The following PDZRN4 variants were observed in gnomAD, a reference collection of about 807,000 sequenced individuals.
The protein encoded by PDZRN4 is PDZ domain-containing RING finger protein 4.
PDZRN4 carries 70 observed loss-of-function variants against 99.0 expected under a neutral mutation model. The ratio of observed to expected loss-of-function variants is 0.71; its 90% CI spans 0.58 to 0.86. The LOEUF is 0.86. Ranked by LOEUF, PDZRN4 falls within the 40% of genes least tolerant of loss-of-function variation. PDZRN4 has a pLI of 0.00. For missense variants in PDZRN4, 1,474 were observed against 1,331.2 expected (o/e 1.11, Z -1.67); for synonymous variants, 551 against 501.6 (o/e 1.10, Z -1.32).
chr12:41,203,088 A>G (rs1950827872), intron 3 of PDZRN4, among the ~76,000 whole-genome samples: 1 of 152,020 alleles, frequency 6.6e-6, no homozygotes, highest in Non-Finnish European at 1.5e-5. Flanking sequence ...ATGATTCATG[A>G]AGTACATAAA....
At chr12:41,557,148 C>CA (rs112787721) in intron 7 of PDZRN4, among the ~76,000 whole-genome samples, 9,522 of 57,324 alleles carry the variant, frequency 0.17, 1,143 homozygotes, top group Non-Finnish European at 0.27. Flanking sequence ...GAGACACTCT[C>CA]AAAAAAAAAA....
intron 3 of PDZRN4, among the ~76,000 whole-genome samples, chr12:41,366,748 A>G (rs1213471553): frequency 6.6e-6 from 1 of 152,152 alleles, no homozygotes; most frequent in African/African-American, 2.4e-5. Context: ...TTACTACCAT[A>G]AGAAAATTGC....
chr12:41,428,542 G>A (rs538776232), intron 3 of PDZRN4, among the ~76,000 whole-genome samples: 1 of 152,188 alleles, frequency 6.6e-6, no homozygotes, highest in Non-Finnish European at 1.5e-5. Context: ...AAAAGACAGA[G>A]TCATGTTAGC....
chr12:41,543,642 C>T (rs1938899362), intron 5 of PDZRN4, among the ~76,000 whole-genome samples: 1 of 152,148 alleles, frequency 6.6e-6, no homozygotes, highest in African/African-American at 2.4e-5. Context: ...CTTTCTCCAT[C>T]TTTGGCTTTT....
chr12:41,216,910 T>A (rs1331880112), intron 3 of PDZRN4, among the ~76,000 whole-genome samples: 1 of 152,218 alleles, frequency 6.6e-6, no homozygotes, highest in South Asian at 2.1e-4. Flanking sequence ...CTTACTAATG[T>A]TCATAATAAA....
chr12:41,482,352 T>C (rs1339376031), intron 3 of PDZRN4, among the ~76,000 whole-genome samples: 1 of 152,104 alleles, frequency 6.6e-6, no homozygotes, highest in African/African-American at 2.4e-5. Flanking sequence ...ATCAAGGAAG[T>C]TGGAAAAGAA....
chr12:41,195,444 C>T (rs568257028), intron 3 of PDZRN4, among the ~76,000 whole-genome samples: 1 of 152,020 alleles, frequency 6.6e-6, no homozygotes, highest in African/African-American at 2.4e-5. Flanking sequence ...TTCATTCATC[C>T]TCTGTGCACT....
chr12:41,261,478 T>C (rs1951239372), intron 3 of PDZRN4, among the ~76,000 whole-genome samples: 1 of 151,094 alleles, frequency 6.6e-6, no homozygotes, highest in Admixed American at 6.6e-5. Flanking sequence ...AGTAGTTCTA[T>C]TTCTCTGTTT....
chr12:41,437,805 A>G (rs529623378), intron 3 of PDZRN4: 2 of 1,563,252 alleles, frequency 1.3e-6, no homozygotes, highest in African/African-American at 2.7e-5. Flanking sequence ...CTTCCAGCTA[A>G]CAGCGGTTTG....
rs138749365 is a variant in PDZRN4 at position 41,256,028 on chromosome 12, A to C, written c.843+61840A>C. Among the ~76,000 whole-genome samples the C allele has an allele frequency of 4.9e-4, 75 of 152,286 alleles. 3 individuals are homozygous for C. Among genetic ancestry groups the C allele is most frequent in the African/African-American group, 1.7e-3 (71 of 41,570 alleles). ...AAGATTTGGAGGGGACACACATTAAATCATATCGGCTCTTGAGGATTCACA... is the reference window on the plus strand; with the variant it reads ...AAGATTTGGAGGGGACACACATTAACTCATATCGGCTCTTGAGGATTCACA... On this transcript the variant is annotated intron_variant, in intron 3 of 9. Coordinates refer to ENST00000402685, the MANE Select transcript of PDZRN4 (RefSeq NM_001164595.2).
chr12:41,315,908 T>C (rs1951635300), intron 3 of PDZRN4, among the ~76,000 whole-genome samples: 1 of 152,138 alleles, frequency 6.6e-6, no homozygotes, highest in Non-Finnish European at 1.5e-5. Flanking sequence ...GTCTGAAATC[T>C]CCTTCCCCCA....
At chr12:41,496,153 G>A (rs1937997862) in intron 3 of PDZRN4, among the ~76,000 whole-genome samples, 1 of 152,112 alleles carries the variant, frequency 6.6e-6, no homozygotes, top group African/African-American at 2.4e-5. Context: ...GGATGTGATT[G>A]AGATAATATA....
intron 3 of PDZRN4, among the ~76,000 whole-genome samples, chr12:41,466,684 A>G (rs1291656151): frequency 6.6e-6 from 1 of 151,778 alleles, no homozygotes; most frequent in Non-Finnish European, 1.5e-5. Flanking sequence ...TGGACAAAGT[A>G]ATTCATTTTG....
chr12:41,553,470 C>G (rs546277338), intron 6 of PDZRN4, among the ~76,000 whole-genome samples: 1 of 151,620 alleles, frequency 6.6e-6, no homozygotes, highest in Non-Finnish European at 1.5e-5. Flanking sequence ...AAACCCTGCA[C>G]TTTGAGAAGC....
intron 3 of PDZRN4, among the ~76,000 whole-genome samples, chr12:41,402,135 ATATATACACACACTGAG>A (rs1952295127): frequency 8.6e-5 from 5 of 58,360 alleles, no homozygotes; most frequent in African/African-American, 3.2e-4. Context: ...ATATATATAT[ATATATACACACACTGAG>A]TATATATATA....
chr12:41,411,260 C>A (rs1455319374), intron 3 of PDZRN4, among the ~76,000 whole-genome samples: 3 of 152,006 alleles, frequency 2.0e-5, no homozygotes, highest in Non-Finnish European at 4.4e-5. Flanking sequence ...CACTGTTACC[C>A]CCAGATATAA....
chr12:41,475,307 A>G (rs1953030632), intron 3 of PDZRN4, among the ~76,000 whole-genome samples: 1 of 152,182 alleles, frequency 6.6e-6, no homozygotes. Context: ...TCTGGAGATT[A>G]TGGTCTCAGC....
chr12:41,467,319 T>C (rs1462876354), intron 3 of PDZRN4, among the ~76,000 whole-genome samples: 1 of 152,232 alleles, frequency 6.6e-6, no homozygotes, highest in Non-Finnish European at 1.5e-5. Context: ...TAGTTTTGAC[T>C]GAAAATATGT....
intron 3 of PDZRN4, among the ~76,000 whole-genome samples, chr12:41,475,310 G>A (rs374015827): frequency 1.8e-4 from 27 of 152,230 alleles, no homozygotes; most frequent in African/African-American, 6.0e-4. Flanking sequence ...GGAGATTATG[G>A]TCTCAGCTCT....
Sources: allele counts gnomAD v4.1 joint callset (sites outside exome capture counted in the v4.1 genomes callset), GRCh38; gene constraint gnomAD v4.1.1; transcripts MANE v1.5; gene names NCBI Gene and HGNC (gene_info 2026-07-23, HGNC 2026-07-21).